The following FAM83E variants were observed in gnomAD, a reference collection of about 807,000 sequenced individuals.
FAM83E encodes the protein scaffolding CK1 anchoring protein E.
A neutral mutation model predicts 34.3 loss-of-function variants in FAM83E; 29 were observed. The observed-to-expected ratio is 0.85, with a 90% CI of 0.63 to 1.15. The LOEUF (loss-of-function observed/expected upper bound fraction) is 1.15, where lower values mean the gene tolerates loss of function less well. Ranked by LOEUF, FAM83E falls within the 50% of genes most tolerant of loss-of-function variation. The pLI is 0.00. For missense variants in FAM83E, 697 were observed against 685.0 expected (o/e 1.02, Z -0.20); for synonymous variants, 312 against 311.6 (o/e 1.00, Z -0.01).
chr19:48,601,240 C>T lies in FAM83E; in HGVS notation c.1306G>A (p.Ala436Thr), dbSNP rs532926172. The change falls in exon 7 of 7, where the codon GCC (alanine) becomes ACC (threonine). Residue 436 changes from alanine (A) to threonine (T), a missense_variant. By Grantham distance (58) the Ala-to-Thr change is moderately conservative. Transcript: ENST00000263266. ...PWGGALPLPP[A>T]HRLRYLSPAR... ...GGGGACAGATAGCGGAGGCGGTGGG[C>T]GGGGGGCAGGGGCAGGGCACCGCCC... 3.0e-5 allele frequency: 48 copies of T among 1,605,280 alleles called. 1 individual carries two copies. The Admixed American group carries it at 4.6e-4, about 15-fold the overall frequency.
At chr19:48,609,755 C>T (rs1601130048) in intron 5 of FAM83E, 121 bp downstream of exon 5, 1 of 1,133,078 alleles carries the variant, frequency 8.8e-7, no homozygotes, top group East Asian at 2.4e-5. Flanking sequence ...AGTGTTTTGC[C>T]CCCATTACAC....
chr19:48,609,390 C>T (rs1973999413), intron 5 of FAM83E, among the ~76,000 whole-genome samples: 1 of 151,146 alleles, frequency 6.6e-6, no homozygotes, highest in Admixed American at 6.6e-5. Context: ...ATTCTCCTGC[C>T]TCAACCTCCC....
chr19:48,612,301 G>A (rs1974054881), intron 3 of FAM83E, among the ~76,000 whole-genome samples: 1 of 152,056 alleles, frequency 6.6e-6, no homozygotes, highest in African/African-American at 2.4e-5. Context: ...GGTGATGAGG[G>A]GATGGGGGAA....
intron 5 of FAM83E, chr19:48,606,717 C>T (rs1487662311): frequency 1.9e-6 from 1 of 523,698 alleles, no homozygotes; most frequent in Non-Finnish European, 3.4e-6. Flanking sequence ...CCAGTGGGAA[C>T]CCTGAGGGAT....
In FAM83E at chr19:48,613,307, G is replaced by T; in HGVS notation, c.66C>A (p.Ser22Arg). The T allele has an allele frequency of 6.2e-7, 1 of 1,602,284 alleles. No homozygotes were observed. The highest frequency in any genetic ancestry group is 8.5e-7 in the Non-Finnish European group (1 of 1,176,828). The change falls in exon 3 of 7, where the codon AGC (serine) becomes AGA (arginine). Residue 22 changes from serine (S) to arginine (R), a missense_variant. Transcript: ENST00000263266. The part of the protein sequence containing the change: ...VDSGPRVPGA[S>R]PGFLYSEGQR... ...GGCCCTCGGAATATAGAAAGCCGGGGCTGGCCCCGGGCACCCTGGGACCGG... is the reference window on the plus strand; with the variant it reads ...GGCCCTCGGAATATAGAAAGCCGGGTCTGGCCCCGGGCACCCTGGGACCGG...
At chr19:48,607,616 C>A in intron 5 of FAM83E, 1 of 499,812 alleles carries the variant, frequency 2.0e-6, no homozygotes, top group Non-Finnish European at 3.7e-6. Flanking sequence ...TCTCACATCT[C>A]AATCAGGATG....
chr19:48,610,649 G>T, intron 4 of FAM83E, 31 bp downstream of exon 4: 3 of 1,546,216 alleles, frequency 1.9e-6, no homozygotes, highest in Non-Finnish European at 2.6e-6. Flanking sequence ...GGGGAATGGG[G>T]ACTCACAGGA....
At chr19:48,602,955 G>A (rs892701764) in intron 6 of FAM83E, among the ~76,000 whole-genome samples, 1 of 149,900 alleles carries the variant, frequency 6.7e-6, no homozygotes, top group Non-Finnish European at 1.5e-5. Flanking sequence ...TGGCTCAAAC[G>A]ATTCTCCTGC....
rs1182636322 is a variant in FAM83E at position 48,613,907 on chromosome 19, T to C, written c.-535A>G. 2.8e-5 allele frequency: 28 copies of C among 985,330 alleles called. No individual in the cohort carries two copies. Among genetic ancestry groups the C allele is most frequent in the Non-Finnish European group, 3.4e-5 (28 of 829,942 alleles). 61.0% of individuals were successfully genotyped at this position (985,330 alleles called of 1,614,324 possible). ...GTCCTTAAAGGCACGACAGGTTGCC[T>C]GCCTGCCCCCGGCCAAGAGCACGAC... On this transcript the variant is annotated 5_prime_UTR_variant, in exon 3 of 7. Transcript: ENST00000263266.
intron 3 of FAM83E, among the ~76,000 whole-genome samples, chr19:48,612,548 G>T (rs969289019): frequency 7.9e-5 from 12 of 152,074 alleles, no homozygotes; most frequent in African/African-American, 2.9e-4. Flanking sequence ...GGGACTACAG[G>T]CGCCCACACC....
chr19:48,612,565 G>A (rs547500282), intron 3 of FAM83E, among the ~76,000 whole-genome samples: 6 of 152,078 alleles, frequency 3.9e-5, no homozygotes, highest in East Asian at 3.9e-4. Context: ...CACCATGCCC[G>A]GCTAATTTTT....
In FAM83E at chr19:48,613,143, G is replaced by A. The variant is rs1175600997; in HGVS notation, c.230C>T (p.Ala77Val). Residue 77 changes from alanine (A) to valine (V), a missense_variant, in exon 3 of 7, where the codon GCC (alanine) becomes GTC (valine). Coordinates refer to ENST00000263266, the MANE Select transcript of FAM83E (RefSeq NM_017708.4). Reference sequence around the variant, plus strand: ...TGCCATCCCGCTGGGCTCCTGCTTGGCCACTGTCCAGTCTTCAGCTGCCGC... The same window carrying A: ...TGCCATCCCGCTGGGCTCCTGCTTGACCACTGTCCAGTCTTCAGCTGCCGC... ...LAAAAEDWTV[A>V]KQEPSGMAEG... The A allele has an allele frequency of 6.2e-7, 1 of 1,611,944 alleles. No individual in the cohort carries two copies. The highest frequency in any genetic ancestry group is 8.5e-7 in the Non-Finnish European group (1 of 1,179,840).
intron 5 of FAM83E, chr19:48,606,762 T>A (rs1973935455): frequency 3.4e-6 from 2 of 594,666 alleles, no homozygotes; most frequent in Admixed American, 6.0e-5. Flanking sequence ...CAGACTCTTG[T>A]TGGGCAGCAG....
At chr19:48,606,878 C>T (rs1231151965) in intron 5 of FAM83E, 24 of 1,434,104 alleles carry the variant, frequency 1.7e-5, no homozygotes, top group East Asian at 4.9e-5. Flanking sequence ...GCCAAAGTCC[C>T]GTGGGCAAGA....
At position 48,603,890 on chromosome 19, in the gene FAM83E, G is replaced by A; in HGVS notation, c.780C>T (p.Arg260=). ...GSYSFTWSDA[R]LHRGLVTLLT... is the part of the protein sequence containing the mutation. The stretch of plus-strand genomic sequence containing the variant: ...GCAGGGTCACCAGGCCTCGGTGCAG[G>A]CGTGCGTCACTCCACGTGAAGCTGG... Residue 260 remains arginine (R), a synonymous_variant, in exon 6 of 7, where the codon CGC becomes CGT. Coordinates refer to ENST00000263266, the MANE Select transcript of FAM83E (RefSeq NM_017708.4). 6.2e-7 allele frequency: 1 copy of A among 1,603,094 alleles called. No homozygotes were observed. Among genetic ancestry groups the A allele is most frequent in the Non-Finnish European group, 8.5e-7 (1 of 1,174,890 alleles).
In FAM83E at chr19:48,614,333, G is replaced by A. The variant is rs1974104878; in HGVS notation, c.-961C>T. 2 of 985,476 alleles carry A rather than the reference G, an allele frequency of 2.0e-6. No individual in the cohort carries two copies. Among genetic ancestry groups the A allele is most frequent in the Non-Finnish European group, 2.4e-6 (2 of 830,084 alleles). 61.0% of individuals were successfully genotyped at this position (985,476 alleles called of 1,614,324 possible). A position where few individuals can be genotyped will look rare whatever the true frequency, so the allele number is the denominator to read the frequency against. On this transcript the variant is annotated 5_prime_UTR_variant, in exon 3 of 7. Coordinates refer to ENST00000263266, the MANE Select transcript of FAM83E (RefSeq NM_017708.4). ...TCCTCAGGCTGGCTGCCCCTGCCTGGGGCCTGGCCCTGGGACCTGTTCCAG... is the reference window on the plus strand; with the variant it reads ...TCCTCAGGCTGGCTGCCCCTGCCTGAGGCCTGGCCCTGGGACCTGTTCCAG...
In FAM83E at chr19:48,609,846, G is replaced by A. The variant is rs75183944; in HGVS notation, c.758+30C>T. ...GAGGGAAAGTGGGGTATAGGACGCC[G>A]GGAGGTGGGGGGCGGGGCGGGGGCT... On this transcript the variant is annotated intron_variant, in intron 5 of 6. Transcript: ENST00000263266. 15,337 of 1,609,450 alleles carry A rather than the reference G, an allele frequency of 9.5e-3. 1,273 individuals carry two copies. The African/African-American group carries it at 0.18, about 19-fold the overall frequency.
At position 48,613,050 on chromosome 19, in the gene FAM83E, G is replaced by A. The variant is rs200190654; in HGVS notation, c.323C>T (p.Pro108Leu). Residue 108 changes from proline (P) to leucine (L), a missense_variant, in exon 3 of 7, where the codon CCG becomes CTG. Coordinates refer to ENST00000263266, the MANE Select transcript of FAM83E (RefSeq NM_017708.4). ...LSYWPGQSEQPAPVLRLGWPV... is the reference protein window; with the variant it reads ...LSYWPGQSEQLAPVLRLGWPV... ...CCAGCCCAGCCGCAGGACGGGCGCCGGCTGCTCCGACTGCCCAGGCCAGTA... is the reference window on the plus strand; with the variant it reads ...CCAGCCCAGCCGCAGGACGGGCGCCAGCTGCTCCGACTGCCCAGGCCAGTA... 1.4e-3 allele frequency: 2,255 copies of A among 1,603,168 alleles called. 3 individuals carry two copies. Among genetic ancestry groups the A allele is most frequent in the Middle Eastern group, 1.7e-3 (10 of 6,038 alleles).
At position 48,615,050 on chromosome 19, in the gene FAM83E, G is replaced by C. The variant is rs539307065; in HGVS notation, c.-1501C>G. 2.1e-3 allele frequency among the ~76,000 whole-genome samples: 315 copies of C among 152,232 alleles called. No homozygotes were observed. The highest frequency in any genetic ancestry group is 3.4e-3 in the Non-Finnish European group (230 of 67,998). ...TCTCTCCCTCCCCACAGCCCTGCCA[G>C]CCTGCACCCTGCACTTCCCGGTCCA... On this transcript the variant is annotated 5_prime_UTR_variant, in exon 1 of 7. Transcript: ENST00000263266.
Sources: allele counts gnomAD v4.1 joint callset (sites outside exome capture counted in the v4.1 genomes callset), GRCh38; gene constraint gnomAD v4.1.1; transcripts MANE v1.5; gene names NCBI Gene and HGNC (gene_info 2026-07-23, HGNC 2026-07-21).